The following CD163L1 variants were observed in gnomAD, a reference collection of about 807,000 sequenced individuals.
The protein encoded by CD163L1 is CD163 molecule like 1.
A neutral mutation model predicts 165.4 loss-of-function variants in CD163L1; 124 were observed. The observed-to-expected ratio is 0.75, with a 90% CI of 0.65 to 0.87. The LOEUF (loss-of-function observed/expected upper bound fraction) is 0.87, where lower values mean the gene tolerates loss of function less well. CD163L1 is among the 40% of genes least tolerant of loss of function. CD163L1 has a pLI of 0.00. For missense variants in CD163L1, 1,525 were observed against 1,799.9 expected (o/e 0.85, Z 2.76); for synonymous variants, 585 against 662.2 (o/e 0.88, Z 1.79).
intron 18 of CD163L1, among the ~76,000 whole-genome samples, chr12:7,358,877 T>C (rs1254054054): frequency 2.0e-5 from 3 of 152,020 alleles, no homozygotes; most frequent in African/African-American, 7.2e-5. Context: ...ATATGAGCAA[T>C]GTAGGCACAG....
chr12:7,428,854 G>A (rs758853216), intron 4 of CD163L1, among the ~76,000 whole-genome samples: 3 of 152,046 alleles, frequency 2.0e-5, no homozygotes, highest in Non-Finnish European at 2.9e-5. Flanking sequence ...CAGATCCCAG[G>A]TAGCTGGAAG....
the CD163L1 span, among the ~76,000 whole-genome samples, chr12:7,323,886 T>C: frequency 3.3e-5 from 5 of 152,110 alleles, no homozygotes; most frequent in Non-Finnish European, 7.3e-5. Context: ...TTAAAAAAAT[T>C]TAATTTCCAG....
At chr12:7,340,196 A>G in the CD163L1 span, among the ~76,000 whole-genome samples, 2 of 152,184 alleles carry the variant, frequency 1.3e-5, no homozygotes, top group African/African-American at 4.8e-5. Context: ...TTTCCCTCAT[A>G]CAAAATGAAA....
Position 7,375,737 on chromosome 12 carries a change from A to G in CD163L1, c.2649T>C (p.Thr883=), listed in dbSNP as rs1947254648. ...CTCCAACTTCTCTGCTGTGGATACA[A>G]GTGTCTTCCGGATGTTGAACAATGG... ...LCPIVQHPED[T]CIHSREVGVV... is the part of the protein sequence containing the mutation. The change falls in exon 10 of 20, where the codon ACT becomes ACC. Residue 883 remains threonine (T), a synonymous_variant. Coordinates refer to ENST00000313599, the MANE Select transcript of CD163L1 (RefSeq NM_174941.6). 4 of 1,614,124 alleles carry G rather than the reference A, an allele frequency of 2.5e-6. No homozygotes were observed. The highest frequency in any genetic ancestry group is 1.7e-6 in the Non-Finnish European group (2 of 1,180,046).
intron 8 of CD163L1, among the ~76,000 whole-genome samples, chr12:7,383,538 G>C (rs1035036671): frequency 2.0e-5 from 3 of 152,148 alleles, no homozygotes; most frequent in African/African-American, 7.2e-5. Flanking sequence ...ATTGGTGCTT[G>C]CATATGCCAC....
rs116947350 is a variant in CD163L1, at chr12:7,433,116, T to C, written c.445+258A>G. On this transcript the variant is annotated intron_variant, in intron 3 of 19. Coordinates refer to ENST00000313599, the MANE Select transcript of CD163L1 (RefSeq NM_174941.6). ...AACTCAATTATAGTTATGATAAAGATATTACATTGGTAACTGTAATGCATT... is the reference window on the plus strand; with the variant it reads ...AACTCAATTATAGTTATGATAAAGACATTACATTGGTAACTGTAATGCATT... Among the ~76,000 whole-genome samples, 1,483 of 152,328 alleles carry C rather than the reference T, an allele frequency of 9.7e-3. 30 individuals carry two copies. The highest frequency in any genetic ancestry group is 9.2e-3 in the Non-Finnish European group (626 of 68,024).
At chr12:7,421,497 A>ATACACACATATGTATATATACATATG (rs1565810243) in intron 4 of CD163L1, among the ~76,000 whole-genome samples, 1 of 87,154 alleles carries the variant, frequency 1.1e-5, no homozygotes, top group Admixed American at 1.1e-4. Context: ...ATATACATAT[A>ATACACACATATGTATATATACATATG]TGTACATATA....
At chr12:7,443,267 A>C (rs986916332) in intron 1 of CD163L1, among the ~76,000 whole-genome samples, 9 of 152,364 alleles carry the variant, frequency 5.9e-5, no homozygotes, top group African/African-American at 1.9e-4. Context: ...GTTGACTTGT[A>C]GTAATTGCAC....
At chr12:7,422,322 C>T (rs970931452) in intron 4 of CD163L1, among the ~76,000 whole-genome samples, 5 of 152,092 alleles carry the variant, frequency 3.3e-5, no homozygotes, top group South Asian at 2.1e-4. Flanking sequence ...GATAAACCCA[C>T]GAAGATGAGG....
chr12:7,421,049 G>GTATATACGTATATATGTATATATACGTA (rs1948351144), intron 4 of CD163L1, among the ~76,000 whole-genome samples: 5 of 71,592 alleles, frequency 7.0e-5, no homozygotes, highest in African/African-American at 4.4e-4. Flanking sequence ...GTATATATAT[G>GTATATACGTATATATGTATATATACGTA]TATATACGTA....
At chr12:7,322,661 C>A in the CD163L1 span, 1 of 1,260,452 alleles carries the variant, frequency 7.9e-7, no homozygotes, top group Non-Finnish European at 1.1e-6. Context: ...TCCCGGGATA[C>A]CTCACCTTGC....
At chr12:7,320,866 C>G in the CD163L1 span, 5 of 1,388,732 alleles carry the variant, frequency 3.6e-6, no homozygotes, top group Admixed American at 9.0e-5. Flanking sequence ...GATCACAGAT[C>G]TCTCTTTTTC....
chr12:7,410,403 C>T (rs1948111927), intron 4 of CD163L1, among the ~76,000 whole-genome samples: 1 of 151,998 alleles, frequency 6.6e-6, no homozygotes. Context: ...GTCAGGAGTT[C>T]GAGACCAGCT....
intron 2 of CD163L1, among the ~76,000 whole-genome samples, chr12:7,440,190 G>A (rs1374777547): frequency 6.6e-6 from 1 of 152,208 alleles, no homozygotes; most frequent in African/African-American, 2.4e-5. Flanking sequence ...CGGCCAGGGC[G>A]GACACTTAAC....
At chr12:7,359,347 TA>T (rs1466643890) in intron 18 of CD163L1, among the ~76,000 whole-genome samples, 2 of 151,104 alleles carry the variant, frequency 1.3e-5, no homozygotes, top group African/African-American at 2.4e-5. Flanking sequence ...CAAAGACAAA[TA>T]AAAAATATTA....
the CD163L1 span, among the ~76,000 whole-genome samples, chr12:7,334,771 C>G: frequency 2.6e-5 from 4 of 152,164 alleles, no homozygotes; most frequent in Non-Finnish European, 1.5e-5. Flanking sequence ...TCTCCTTAAG[C>G]TGATAAGCAA....
At chr12:7,380,393 G>C (rs374107179) in intron 8 of CD163L1, among the ~76,000 whole-genome samples, 1 of 140,354 alleles carries the variant, frequency 7.1e-6, no homozygotes, top group Non-Finnish European at 1.6e-5. Flanking sequence ...GTGTATATGC[G>C]TATACACACA....
At chr12:7,399,767 G>A (rs1015449976) in intron 6 of CD163L1, among the ~76,000 whole-genome samples, 2 of 151,894 alleles carry the variant, frequency 1.3e-5, no homozygotes, top group Admixed American at 1.3e-4. Context: ...ACCACAGCCA[G>A]CTATTTTTTG....
chr12:7,346,018 A>G (rs1278238631), downstream of CD163L1, among the ~76,000 whole-genome samples: 1 of 152,184 alleles, frequency 6.6e-6, no homozygotes, highest in Non-Finnish European at 1.5e-5. Flanking sequence ...ACTAGGCCCA[A>G]TCTCCAACTT....
Sources: gnomAD v4.1 joint callset for allele counts (sites outside exome capture counted in the v4.1 genomes callset) on GRCh38, gnomAD v4.1.1 for gene constraint, MANE v1.5 for transcripts, NCBI Gene and HGNC (gene_info 2026-07-23, HGNC 2026-07-21) for gene names.